The following PRP4K variants were observed in gnomAD, a reference collection of about 807,000 sequenced individuals.
PRP4K encodes pre-mRNA processing factor kinase PRP4K, also known as serine/threonine-protein kinase PRP4 homolog.
At chr6:4,036,003 A>G in the PRP4K span, among the ~76,000 whole-genome samples, 2 of 108,592 alleles carry the variant, frequency 1.8e-5, no homozygotes, top group Non-Finnish European at 3.8e-5. Context: ...AAAATACTGT[A>G]ATATTATTTG....
the PRP4K span, chr6:4,061,556 A>G: frequency 2.6e-5 from 4 of 152,560 alleles, no homozygotes; most frequent in Admixed American, 2.6e-4. Flanking sequence ...ATTTTTAACT[A>G]TTTGTATGTC....
the PRP4K span, among the ~76,000 whole-genome samples, chr6:4,046,300 GTAC>G: frequency 6.6e-6 from 1 of 152,164 alleles, no homozygotes; most frequent in Admixed American, 6.5e-5. Context: ...GAATGTTGTT[GTAC>G]TTTTGGATGT....
At chr6:4,023,327 C>A in the PRP4K span, among the ~76,000 whole-genome samples, 1 of 152,184 alleles carries the variant, frequency 6.6e-6, no homozygotes, top group African/African-American at 2.4e-5. Context: ...CTTTTAACAA[C>A]CCTATGGAGG....
the PRP4K span, among the ~76,000 whole-genome samples, chr6:4,025,165 G>A: frequency 5.3e-4 from 80 of 152,288 alleles, 1 homozygote; most frequent in Non-Finnish European, 1.0e-3. Context: ...TTGGCTAAAT[G>A]TGGGATATTA....
At chr6:4,050,397 T>C in the PRP4K span, 1 of 586,792 alleles carries the variant, frequency 1.7e-6, no homozygotes. Flanking sequence ...AACAGGCTGA[T>C]TATTTTTAAT....
At chr6:4,038,919 C>CTTTTTTTTTTTTTTTTTTTTT in the PRP4K span, among the ~76,000 whole-genome samples, 2 of 144,288 alleles carry the variant, frequency 1.4e-5, no homozygotes, top group Admixed American at 7.0e-5. Context: ...AATTTTTGTG[C>CTTTTTTTTTTTTTTTTTTTTT]TTTTTTTTTT....
At chr6:4,051,893 A>C in the PRP4K span, 6 of 1,119,354 alleles carry the variant, frequency 5.4e-6, no homozygotes, top group Non-Finnish European at 7.5e-6. Context: ...TAGCAAATAC[A>C]TTATTTAGTG....
chr6:4,028,572 A>G, the PRP4K span, among the ~76,000 whole-genome samples: 3 of 152,324 alleles, frequency 2.0e-5, no homozygotes, highest in East Asian at 5.8e-4. Context: ...TTAATGATCC[A>G]GAGAACACTA....
the PRP4K span, among the ~76,000 whole-genome samples, chr6:4,054,027 C>T: frequency 2.0e-5 from 3 of 151,826 alleles, no homozygotes; most frequent in Non-Finnish European, 2.9e-5. Context: ...CTCCTGCCTC[C>T]GCCTCCCCAG....
chr6:4,058,038 G>A, the PRP4K span, among the ~76,000 whole-genome samples: 3 of 152,238 alleles, frequency 2.0e-5, no homozygotes, highest in East Asian at 5.8e-4. Flanking sequence ...TTTTGAGACT[G>A]GATCTTGCTC....
the PRP4K span, chr6:4,060,499 A>C: frequency 6.2e-7 from 1 of 1,613,916 alleles, no homozygotes. The surrounding 1 kb of genome is among the most constrained non-coding windows in gnomAD (Gnocchi z 4.7). Flanking sequence ...CTGAAGACCA[A>C]CGTAAGAAAG....
the PRP4K span, among the ~76,000 whole-genome samples, chr6:4,059,876 C>T: frequency 6.6e-6 from 1 of 152,322 alleles, no homozygotes; most frequent in East Asian, 1.9e-4. Context: ...AATTCCTGAG[C>T]TCAAGTGATC....
At chr6:4,028,918 CTG>C in the PRP4K span, among the ~76,000 whole-genome samples, 15 of 151,988 alleles carry the variant, frequency 9.9e-5, no homozygotes, top group African/African-American at 3.6e-4. Context: ...TCCTGGGCCT[CTG>C]TGACTCCAGT....
the PRP4K span, chr6:4,040,911 T>A: frequency 1.2e-6 from 2 of 1,613,238 alleles, no homozygotes; most frequent in Non-Finnish European, 1.7e-6. Flanking sequence ...TGAGCAGGAA[T>A]CTTCGTCTGA....
the PRP4K span, chr6:4,044,051 T>C: frequency 6.3e-7 from 1 of 1,593,840 alleles, no homozygotes; most frequent in Non-Finnish European, 8.6e-7. Flanking sequence ...TGGCGACGCT[T>C]TTCTCTGAAT....
chr6:4,029,372 C>G, the PRP4K span, among the ~76,000 whole-genome samples: 2 of 115,880 alleles, frequency 1.7e-5, no homozygotes, highest in African/African-American at 6.8e-5. Flanking sequence ...AAGACAGGGT[C>G]TTGCTCTGTC....
At chr6:4,048,194 C>G in the PRP4K span, among the ~76,000 whole-genome samples, 1 of 151,688 alleles carries the variant, frequency 6.6e-6, no homozygotes. Flanking sequence ...CTGGCTAATA[C>G]GGTGAAACCC....
At chr6:4,051,608 C>T in the PRP4K span, among the ~76,000 whole-genome samples, 2 of 152,152 alleles carry the variant, frequency 1.3e-5, no homozygotes, top group Non-Finnish European at 2.9e-5. Flanking sequence ...TGAGCTACCG[C>T]GCCTGGCCTG....
At chr6:4,031,300 C>T in the PRP4K span, among the ~76,000 whole-genome samples, 1 of 152,178 alleles carries the variant, frequency 6.6e-6, no homozygotes, top group Non-Finnish European at 1.5e-5. Context: ...ACTTTTTAAG[C>T]TCACTCCATT....
Sources: gnomAD v4.1 joint callset for allele counts (sites outside exome capture counted in the v4.1 genomes callset) on GRCh38, gnomAD v4.1.1 for gene constraint, Gnocchi (gnomAD v3.1) non-coding constraint, MANE v1.5 for transcripts, NCBI Gene and HGNC (gene_info 2026-07-23, HGNC 2026-07-21) for gene names.